Variants in ENTREP2 observed in about 807,000 individuals in gnomAD.
The protein encoded by ENTREP2 is protein ENTREP2.
At chr15:29,570,682 C>A in the ENTREP2 span, 4 of 1,166,460 alleles carry the variant, frequency 3.4e-6, no homozygotes, top group East Asian at 1.5e-4. Context: ...TGCGGGGCAG[C>A]GCGGCGGGAC....
the ENTREP2 span, among the ~76,000 whole-genome samples, chr15:29,227,434 G>A: frequency 1.3e-5 from 2 of 152,280 alleles, no homozygotes; most frequent in East Asian, 3.9e-4. Flanking sequence ...GAGCAAGGCA[G>A]GAAAAGCGGA....
the ENTREP2 span, among the ~76,000 whole-genome samples, chr15:29,189,428 T>A: frequency 6.6e-6 from 1 of 152,034 alleles, no homozygotes; most frequent in Non-Finnish European, 1.5e-5. Context: ...TGCTTTTTTT[T>A]TTTTTTTAAC....
the ENTREP2 span, among the ~76,000 whole-genome samples, chr15:29,228,060 G>A: frequency 6.6e-6 from 1 of 152,156 alleles, no homozygotes; most frequent in South Asian, 2.1e-4. Flanking sequence ...TGCCGGGCAT[G>A]GTGGCTCACA....
the ENTREP2 span, among the ~76,000 whole-genome samples, chr15:29,153,640 G>T: frequency 6.6e-6 from 1 of 152,152 alleles, no homozygotes; most frequent in Non-Finnish European, 1.5e-5. Context: ...CATTATATCT[G>T]AGTTTTTAAA....
At chr15:29,213,478 T>G in the ENTREP2 span, among the ~76,000 whole-genome samples, 2 of 152,200 alleles carry the variant, frequency 1.3e-5, no homozygotes, top group African/African-American at 4.8e-5. Flanking sequence ...AGCAGTGGTT[T>G]GTAGTTGTCC....
At chr15:29,359,200 C>T in the ENTREP2 span, among the ~76,000 whole-genome samples, 1 of 152,142 alleles carries the variant, frequency 6.6e-6, no homozygotes, top group Non-Finnish European at 1.5e-5. Context: ...CAAAAGCTAA[C>T]AGTAGCTGTG....
the ENTREP2 span, among the ~76,000 whole-genome samples, chr15:29,600,913 T>TTTTTTTTTTTTTTTTTTTTTTTTTG: frequency 7.1e-6 from 1 of 141,246 alleles, no homozygotes; most frequent in Admixed American, 7.1e-5. Flanking sequence ...TTTTTTTTTT[T>TTTTTTTTTTTTTTTTTTTTTTTTTG]TTGAGACAGA....
the ENTREP2 span, among the ~76,000 whole-genome samples, chr15:29,608,563 A>G: frequency 7.4e-6 from 1 of 135,554 alleles, no homozygotes; most frequent in African/African-American, 2.8e-5. Context: ...ATTTATTATT[A>G]TTATTTTTTG....
At chr15:29,556,927 G>A in the ENTREP2 span, among the ~76,000 whole-genome samples, 4 of 152,294 alleles carry the variant, frequency 2.6e-5, no homozygotes, top group East Asian at 7.7e-4. Context: ...TCCATCCCAT[G>A]GCCAAAGGGG....
the ENTREP2 span, among the ~76,000 whole-genome samples, chr15:29,436,709 C>A: frequency 1.3e-5 from 2 of 152,244 alleles, no homozygotes; most frequent in African/African-American, 4.8e-5. Context: ...GAAATGCATT[C>A]GGAAGCTTGA....
the ENTREP2 span, among the ~76,000 whole-genome samples, chr15:29,210,591 T>A: frequency 6.6e-6 from 1 of 152,294 alleles, no homozygotes; most frequent in Middle Eastern, 3.4e-3. Flanking sequence ...TGCCTGATGA[T>A]CTGAGGTGGA....
At chr15:29,510,713 AG>A in the ENTREP2 span, among the ~76,000 whole-genome samples, 2 of 151,860 alleles carry the variant, frequency 1.3e-5, no homozygotes, top group Admixed American at 6.6e-5. Context: ...AGGCTGAGGC[AG>A]GAGAATGGCG....
chr15:29,454,974 G>A, the ENTREP2 span, among the ~76,000 whole-genome samples: 4 of 152,188 alleles, frequency 2.6e-5, no homozygotes, highest in Non-Finnish European at 2.9e-5. Context: ...GGCCTAACAC[G>A]TTGACAGTCC....
the ENTREP2 span, among the ~76,000 whole-genome samples, chr15:29,124,094 C>G: frequency 6.6e-6 from 1 of 152,080 alleles, no homozygotes; most frequent in Non-Finnish European, 1.5e-5. Context: ...CCGCCCCCCC[C>G]ATCATGCCAG....
chr15:29,141,267 G>A, the ENTREP2 span, among the ~76,000 whole-genome samples: 1 of 152,166 alleles, frequency 6.6e-6, no homozygotes, highest in Non-Finnish European at 1.5e-5. Flanking sequence ...GTTGTCTCTG[G>A]GCCCTGCCTG....
At chr15:29,659,482 AAAT>A in the ENTREP2 span, among the ~76,000 whole-genome samples, 25 of 151,922 alleles carry the variant, frequency 1.6e-4, no homozygotes, top group African/African-American at 5.3e-4. Flanking sequence ...AAAAAATAAA[AAAT>A]AATAATAATA....
the ENTREP2 span, among the ~76,000 whole-genome samples, chr15:29,193,932 A>G: frequency 6.6e-6 from 1 of 152,220 alleles, no homozygotes; most frequent in Non-Finnish European, 1.5e-5. Flanking sequence ...ATATGTTAAG[A>G]TCTATATACT....
chr15:29,191,465 G>A, the ENTREP2 span, among the ~76,000 whole-genome samples: 1 of 152,082 alleles, frequency 6.6e-6, no homozygotes, highest in African/African-American at 2.4e-5. Flanking sequence ...GAAGGCTGCT[G>A]CAATCTCAGG....
chr15:29,489,241 C>G, the ENTREP2 span, among the ~76,000 whole-genome samples: 9 of 152,186 alleles, frequency 5.9e-5, no homozygotes, highest in African/African-American at 2.2e-4. Context: ...TTCCTTCCTT[C>G]CTTACCTGCC....
Sources: allele counts gnomAD v4.1 joint callset (sites outside exome capture counted in the v4.1 genomes callset), GRCh38; gene constraint gnomAD v4.1.1; transcripts MANE v1.5; gene names NCBI Gene and HGNC (gene_info 2026-07-23, HGNC 2026-07-21).